Variants in PALM2AKAP2 observed in about 807,000 individuals in gnomAD.
PALM2AKAP2 encodes PALM2 and AKAP2 fusion, also known as PALM2-AKAP2 fusion protein.
Under a neutral mutation model 71.5 loss-of-function variants are expected in PALM2AKAP2, and 37 were observed. That is an observed-to-expected ratio of 0.52 (90% confidence interval 0.40 to 0.68). PALM2AKAP2 has a LOEUF of 0.68. Ranked by LOEUF, PALM2AKAP2 falls within the 30% of genes least tolerant of loss-of-function variation. The pLI is 0.00. For missense variants in PALM2AKAP2, 1,224 were observed against 1,191.8 expected (o/e 1.03, Z -0.40); for synonymous variants, 468 against 478.8 (o/e 0.98, Z 0.29).
At chr9:109,936,838 G>T (rs558007675) in intron 6 of PALM2AKAP2, among the ~76,000 whole-genome samples, 1 of 152,126 alleles carries the variant, frequency 6.6e-6, no homozygotes, top group Non-Finnish European at 1.5e-5. Context: ...TAATGACAGC[G>T]GAACATGTGG....
At chr9:109,687,192 T>A (rs1193474042) in intron 1 of PALM2AKAP2, among the ~76,000 whole-genome samples, 1 of 152,138 alleles carries the variant, frequency 6.6e-6, no homozygotes, top group Non-Finnish European at 1.5e-5. Context: ...GGATAGTCAA[T>A]GAGCATTAGC....
intron 1 of PALM2AKAP2, among the ~76,000 whole-genome samples, chr9:109,693,041 G>T (rs75787685): frequency 0.014 from 2,108 of 151,854 alleles, 60 homozygotes; most frequent in African/African-American, 0.048. Flanking sequence ...GAAGATTTGT[G>T]TAGAATTGGC....
At chr9:110,076,202 G>C (rs550423578) in intron 1 of PALM2AKAP2, among the ~76,000 whole-genome samples, 1 of 151,910 alleles carries the variant, frequency 6.6e-6, no homozygotes, top group South Asian at 2.1e-4. Context: ...ATTGACATTT[G>C]TAAAGAATAT....
chr9:109,765,100 TGGATAAAAC>T (rs1829128108), intron 1 of PALM2AKAP2, among the ~76,000 whole-genome samples: 1 of 152,206 alleles, frequency 6.6e-6, no homozygotes, highest in Middle Eastern at 3.4e-3. Flanking sequence ...CCTTTGGGAG[TGGATAAAAC>T]GTGGTTCTCA....
At chr9:109,648,114 C>T (rs1827178259) in intron 1 of PALM2AKAP2, among the ~76,000 whole-genome samples, 1 of 152,158 alleles carries the variant, frequency 6.6e-6, no homozygotes, top group Non-Finnish European at 1.5e-5. Flanking sequence ...GTGGCAGTTT[C>T]CCCTGCTCTT....
rs558451415 is a variant in PALM2AKAP2, at chr9:110,119,290, T to C, written c.157-16837T>C. On this transcript the variant is annotated intron_variant, in intron 1 of 3. Transcript: ENST00000374525. ...CCCGGGAGGCAGAGGTTGCAGTGAG[T>C]CAAGATCATGCCACTGCACTCCAGC... Among the ~76,000 whole-genome samples, 25 of 134,250 alleles carry C rather than the reference T, an allele frequency of 1.9e-4. 1 individual carries two copies. The East Asian group carries it at 2.8e-3, about 15-fold the overall frequency. 88.1% of individuals were successfully genotyped at this position (134,250 alleles called of 152,430 possible).
At chr9:110,000,395 C>T (rs1297388596) in intron 6 of PALM2AKAP2, among the ~76,000 whole-genome samples, 1 of 152,128 alleles carries the variant, frequency 6.6e-6, no homozygotes. Flanking sequence ...GCCACATTTT[C>T]TTAATCCAGT....
At chr9:109,752,987 A>G (rs965672160) in intron 1 of PALM2AKAP2, among the ~76,000 whole-genome samples, 6 of 152,130 alleles carry the variant, frequency 3.9e-5, no homozygotes, top group Non-Finnish European at 5.9e-5. Context: ...CAAGTTCAAG[A>G]ACTGCCTGTT....
exon 2 of PALM2AKAP2, chr9:110,138,009 C>T: frequency 6.2e-7 from 1 of 1,613,970 alleles, no homozygotes. Context: ...AAAGCTGTGT[C>T]CAAAACCAGC....
intron 3 of PALM2AKAP2, among the ~76,000 whole-genome samples, chr9:109,882,182 A>G (rs1268207248): frequency 6.6e-6 from 1 of 152,078 alleles, no homozygotes; most frequent in South Asian, 2.1e-4. Flanking sequence ...CGCACCTGGC[A>G]TGAGCTCTTT....
intron 7 of PALM2AKAP2, among the ~76,000 whole-genome samples, chr9:110,040,383 A>G (rs377404552): frequency 2.0e-5 from 3 of 152,210 alleles, no homozygotes; most frequent in South Asian, 4.1e-4. Context: ...GTTTACGTTA[A>G]TGCTAGGAAA....
chr9:110,162,912 A>G (rs191846973), intron 3 of PALM2AKAP2, among the ~76,000 whole-genome samples: 37 of 151,582 alleles, frequency 2.4e-4, no homozygotes, highest in Admixed American at 2.2e-3. Context: ...GGGTCTCGCT[A>G]TGTTGCCCAG....
At chr9:110,058,882 G>T (rs1833900701) in intron 1 of PALM2AKAP2, among the ~76,000 whole-genome samples, 1 of 148,370 alleles carries the variant, frequency 6.7e-6, no homozygotes, top group Admixed American at 6.8e-5. Flanking sequence ...ATTGTATACT[G>T]ATGGAAAGTT....
chr9:109,762,808 C>T (rs1163358968), intron 1 of PALM2AKAP2, among the ~76,000 whole-genome samples: 1 of 152,240 alleles, frequency 6.6e-6, no homozygotes, highest in Admixed American at 6.5e-5. Context: ...CCTTGGCAGA[C>T]ATGGCTTTCC....
At chr9:109,936,417 T>C (rs183530053) in intron 6 of PALM2AKAP2, among the ~76,000 whole-genome samples, 168 of 152,350 alleles carry the variant, frequency 1.1e-3, no homozygotes, top group African/African-American at 3.7e-3. Context: ...TTTATTGTCA[T>C]TGGCATCACA....
intron 1 of PALM2AKAP2, among the ~76,000 whole-genome samples, chr9:109,645,565 C>G (rs1827139120): frequency 6.7e-6 from 1 of 148,966 alleles, no homozygotes. Flanking sequence ...AAAAAAAACC[C>G]CAGCCATAAA....
chr9:110,122,370 T>C (rs555066506), intron 1 of PALM2AKAP2, among the ~76,000 whole-genome samples: 24 of 152,318 alleles, frequency 1.6e-4, no homozygotes, highest in East Asian at 3.9e-4. Context: ...GCCCAAACGC[T>C]TCTTGGGTCT....
chr9:109,701,138 C>A (rs930581215), intron 1 of PALM2AKAP2, among the ~76,000 whole-genome samples: 3 of 152,100 alleles, frequency 2.0e-5, no homozygotes, highest in African/African-American at 7.2e-5. Context: ...CTACAAGATA[C>A]CACGGTTAGA....
intron 2 of PALM2AKAP2, among the ~76,000 whole-genome samples, chr9:109,878,778 C>T (rs563828733): frequency 6.5e-4 from 99 of 152,270 alleles, no homozygotes; most frequent in African/African-American, 2.3e-3. Flanking sequence ...GCTCTTGTTG[C>T]GCAGGCTGGA....
Sources: gnomAD v4.1 joint callset for allele counts (sites outside exome capture counted in the v4.1 genomes callset) on GRCh38, gnomAD v4.1.1 for gene constraint, MANE v1.5 for transcripts, NCBI Gene and HGNC (gene_info 2026-07-23, HGNC 2026-07-21) for gene names.